Variants in MTR observed in about 807,000 individuals in gnomAD.
The protein encoded by MTR is methionine synthase.
Under a neutral mutation model 154.8 loss-of-function variants are expected in MTR, and 84 were observed. The observed-to-expected ratio is 0.54, with a 90% CI of 0.45 to 0.65. The LOEUF (loss-of-function observed/expected upper bound fraction) is 0.65, where lower values mean the gene tolerates loss of function less well. Ranked by LOEUF, MTR falls within the 30% of genes least tolerant of loss-of-function variation. The probability of loss-of-function intolerance (pLI) is 0.00; values close to 1 mark genes in which losing one functional copy is unlikely to be tolerated. For missense variants in MTR, 1,275 were observed against 1,570.2 expected (o/e 0.81, Z 3.18); for synonymous variants, 554 against 553.9 (o/e 1.00, Z 0.00).
At chr1:236,797,042 G>A (rs933562885) in intron 1 of MTR, among the ~76,000 whole-genome samples, 1 of 151,936 alleles carries the variant, frequency 6.6e-6, no homozygotes, top group Non-Finnish European at 1.5e-5. Flanking sequence ...AAACTGAAAG[G>A]AAAATTGTTG....
intron 25 of MTR, among the ~76,000 whole-genome samples, chr1:236,883,435 A>G (rs993593275): frequency 6.6e-6 from 1 of 152,166 alleles, no homozygotes; most frequent in African/African-American, 2.4e-5. Context: ...TTCTGTCTAC[A>G]CAATAGCACC....
intron 1 of MTR, among the ~76,000 whole-genome samples, chr1:236,798,616 A>G (rs1296480851): frequency 6.6e-6 from 1 of 152,218 alleles, no homozygotes; most frequent in Non-Finnish European, 1.5e-5. Flanking sequence ...TTATTTACAT[A>G]TATACATTAA....
chr1:236,813,511 T>A (rs1661425660), intron 6 of MTR, among the ~76,000 whole-genome samples: 1 of 152,214 alleles, frequency 6.6e-6, no homozygotes, highest in South Asian at 2.1e-4. Context: ...TGTACAATAG[T>A]CCTGGTTTCA....
intron 21 of MTR, 47 bp from the exon 22 acceptor site, chr1:236,863,407 C>T (rs1558320299): frequency 2.0e-6 from 3 of 1,497,106 alleles, no homozygotes; most frequent in South Asian, 1.1e-5. Flanking sequence ...CTAGGTGTTC[C>T]ACCCTAAACA....
At chr1:236,858,361 G>A (rs143680098) in intron 18 of MTR, among the ~76,000 whole-genome samples, 13 of 152,228 alleles carry the variant, frequency 8.5e-5, no homozygotes, top group South Asian at 2.1e-4. Context: ...GGAAAGACCC[G>A]TCTCCATGAT....
rs773576797 is a variant in MTR, at chr1:236,838,432, T to C, written c.1348T>C (p.Ser450Pro). The change falls in exon 15 of 33, where the codon TCC (serine) becomes CCC (proline). Residue 450 changes from serine to proline, a missense_variant. Coordinates refer to ENST00000366577, the MANE Select transcript of MTR (RefSeq NM_000254.3). ...DIAKVPLCIDSSNFAVIEAGL... is the reference protein window; with the variant it reads ...DIAKVPLCIDPSNFAVIEAGL... The stretch of plus-strand genomic sequence containing the variant: ...ATCTCAGGTACCTTTGTGCATCGAC[T>C]CCTCCAATTTTGCTGTGATTGAAGC... The C allele has an allele frequency of 6.2e-7, 1 of 1,614,032 alleles. No homozygotes were observed. The highest frequency in any genetic ancestry group is 2.2e-5 in the East Asian group (1 of 44,886).
chr1:236,803,155 T>A (rs902050906), intron 1 of MTR, among the ~76,000 whole-genome samples: 3 of 152,186 alleles, frequency 2.0e-5, no homozygotes, highest in Admixed American at 1.3e-4. Flanking sequence ...ATTGCCTGTT[T>A]TCCTCATCTG....
intron 8 of MTR, among the ~76,000 whole-genome samples, chr1:236,821,295 G>C (rs1661932726): frequency 6.6e-6 from 1 of 152,162 alleles, no homozygotes; most frequent in Non-Finnish European, 1.5e-5. Flanking sequence ...TTATTCCCTT[G>C]AGAACTAATT....
chr1:236,880,897 G>A, intron 25 of MTR, 61 bp downstream of exon 25: 3 of 1,455,742 alleles, frequency 2.1e-6, no homozygotes, highest in Non-Finnish European at 2.9e-6. Context: ...TACAAGTAAG[G>A]GTTTAACTTA....
chr1:236,883,834 G>T (rs1021187863), intron 25 of MTR, among the ~76,000 whole-genome samples: 6 of 152,108 alleles, frequency 3.9e-5, no homozygotes, highest in Non-Finnish European at 7.4e-5. Flanking sequence ...AAGCTGGTAG[G>T]CACTTTAGCC....
chr1:236,876,652 A>G (rs1024190151), intron 24 of MTR, among the ~76,000 whole-genome samples: 5 of 152,210 alleles, frequency 3.3e-5, no homozygotes, highest in Admixed American at 3.3e-4. Context: ...TCTTGTGCAA[A>G]TTGGAACTTT....
In MTR at chr1:236,831,949, A is replaced by T; in HGVS notation, c.1076-17A>T. The T allele has an allele frequency of 2.5e-6, 4 of 1,605,430 alleles. No homozygotes were observed. Among genetic ancestry groups the T allele is most frequent in the Non-Finnish European group, 3.4e-6 (4 of 1,172,178 alleles). ...TATGCATTTGCAGAAATTTTTCAAAATGCTTCTCCTTTTAAGGTCTAGAGC... is the reference window on the plus strand; with the variant it reads ...TATGCATTTGCAGAAATTTTTCAAATTGCTTCTCCTTTTAAGGTCTAGAGC... On this transcript the variant is annotated splice_polypyrimidine_tract_variant and intron_variant, in intron 12 of 32. Transcript: ENST00000366577.
intron 8 of MTR, chr1:236,820,116 C>T (rs1220225267): frequency 7.8e-6 from 6 of 767,180 alleles, no homozygotes; most frequent in Non-Finnish European, 1.4e-5. Flanking sequence ...TGGACATTGC[C>T]ATTGCATGCA....
intron 2 of MTR, among the ~76,000 whole-genome samples, chr1:236,805,082 T>C (rs2103018898): frequency 6.6e-6 from 1 of 152,348 alleles, no homozygotes; most frequent in Admixed American, 6.5e-5. Context: ...TTACTATAAA[T>C]GTGCGTATCT....
chr1:236,859,132 C>G (rs1162786954), intron 18 of MTR, among the ~76,000 whole-genome samples: 1 of 152,202 alleles, frequency 6.6e-6, no homozygotes, highest in Non-Finnish European at 1.5e-5. Context: ...GCTCACAATT[C>G]TGGCAGCTGG....
chr1:236,829,291 TC>T (rs1322664714), intron 12 of MTR, 23 bp downstream of exon 12: 1 of 1,587,416 alleles, frequency 6.3e-7, no homozygotes, highest in African/African-American at 1.3e-5. Context: ...GACCTGGTAT[TC>T]CTGATTGCAG....
At chr1:236,815,941 G>A (rs1474339779) in intron 7 of MTR, among the ~76,000 whole-genome samples, 3 of 152,180 alleles carry the variant, frequency 2.0e-5, no homozygotes, top group Admixed American at 1.3e-4. Context: ...TCAAGGCTCA[G>A]TCTCATTAGG....
intron 29 of MTR, among the ~76,000 whole-genome samples, chr1:236,893,117 G>T (rs1158897548): frequency 6.6e-6 from 1 of 151,932 alleles, no homozygotes; most frequent in African/African-American, 2.4e-5. Flanking sequence ...GGGGCTCTGT[G>T]ATCTCTCTCT....
chr1:236,845,029 A>G (rs1663487763), intron 15 of MTR, among the ~76,000 whole-genome samples: 1 of 152,116 alleles, frequency 6.6e-6, no homozygotes, highest in Admixed American at 6.5e-5. Context: ...GTTGAAAACC[A>G]CCAGCAGAGG....
Sources: allele counts gnomAD v4.1 joint callset (sites outside exome capture counted in the v4.1 genomes callset), GRCh38; gene constraint gnomAD v4.1.1; transcripts MANE v1.5; gene names NCBI Gene and HGNC (gene_info 2026-07-23, HGNC 2026-07-21).